The following ALDH3B1 variants were observed in gnomAD, a reference collection of about 807,000 sequenced individuals.
ALDH3B1 encodes the protein aldehyde dehydrogenase family 3 member B1.
ALDH3B1 carries 37 observed loss-of-function variants against 46.2 expected under a neutral mutation model. The observed-to-expected ratio is 0.80, with a 90% CI of 0.62 to 1.05. The LOEUF (loss-of-function observed/expected upper bound fraction) is 1.05. Ranked by LOEUF, ALDH3B1 falls within the 50% of genes least tolerant of loss-of-function variation. ALDH3B1 has a pLI of 0.00. For synonymous variants in ALDH3B1, 283 were observed against 281.0 expected, an observed-to-expected ratio of 1.01 and a Z score of -0.07; for missense variants, 603 against 665.5, an observed-to-expected ratio of 0.91 and a Z score of 1.03.
chr11:68,019,748 G>A lies in ALDH3B1; in HGVS notation c.514G>A (p.Glu172Lys), dbSNP rs773258034. ...TGCTGTGGTGCTGGGCGGGCCCCAG[G>A]AGACGGGGCAGCTGCTAGAGCACAG... The part of the protein sequence containing the change: ...CFAVVLGGPQ[E>K]TGQLLEHRFD... The change falls in exon 6 of 10, where the codon GAG (glutamate) becomes AAG (lysine). Residue 172 changes from glutamate to lysine, a missense_variant. Transcript: ENST00000342456. 7.9e-5 allele frequency: 127 copies of A among 1,614,178 alleles called. No individual in the cohort carries two copies. Among genetic ancestry groups the A allele is most frequent in the Non-Finnish European group, 1.0e-4 (120 of 1,179,998 alleles).
chr11:68,018,412 GAATGAATGAA>G, intron 2 of ALDH3B1, 105 bp from the exon 3 acceptor site: 1 of 812,760 alleles, frequency 1.2e-6, no homozygotes, highest in African/African-American at 1.7e-5. Context: ...GTGAGTGAAC[GAATGAATGAA>G]AATGAATGAA....
At position 68,018,868 on chromosome 11, in the gene ALDH3B1, G is replaced by A. The variant is rs762462181; in HGVS notation, c.369G>A (p.Val123=). Residue 123 remains valine (V), a synonymous_variant, in exon 4 of 10, where the codon GTG becomes GTA. Transcript: ENST00000342456. ...PWNYPLNLTL[V]PLVGALAAGN... is the part of the protein sequence containing the mutation. Reference sequence around the variant, plus strand: ...ACTATCCGCTGAACCTGACGCTGGTGCCCCTCGTGGGAGCCCTCGCTGCAG... The same window carrying A: ...ACTATCCGCTGAACCTGACGCTGGTACCCCTCGTGGGAGCCCTCGCTGCAG... 19 of 1,560,222 alleles carry A rather than the reference G, an allele frequency of 1.2e-5. No individual in the cohort carries two copies. The highest frequency in any genetic ancestry group is 3.3e-4 in the Middle Eastern group (2 of 6,024).
Position 68,028,963 on chromosome 11 carries a change from C to CA in ALDH3B1, c.*1025dup, listed in dbSNP as rs1854670762. 6.6e-6 allele frequency: 1 copy of CA among 152,292 alleles called. No homozygotes were observed. The highest frequency in any genetic ancestry group is 2.4e-5 in the African/African-American group (1 of 41,444). The allele number at this position is 152,292 out of a possible 1,614,324, so 9.4% of individuals were successfully genotyped here. On this transcript the variant is annotated 3_prime_UTR_variant, in exon 10 of 10. Coordinates refer to ENST00000342456, the MANE Select transcript of ALDH3B1 (RefSeq NM_000694.4). The stretch of plus-strand genomic sequence containing the variant: ...GCTGCTCATCCTCCTGGGCCCCATC[C>CA]ACTCAGCCAAAGCAGAATGCAGGGT...
At chr11:68,011,885 C>T (rs1857239516) in intron 1 of ALDH3B1, among the ~76,000 whole-genome samples, 1 of 152,194 alleles carries the variant, frequency 6.6e-6, no homozygotes, top group African/African-American at 2.4e-5. Context: ...TTGAATTCTC[C>T]CGACAGTGGT....
chr11:68,018,886 C>G lies in ALDH3B1; in HGVS notation c.387C>G (p.Leu129=). 6.4e-7 allele frequency: 1 copy of G among 1,555,336 alleles called. No homozygotes were observed. The highest frequency in any genetic ancestry group is 1.2e-5 in the South Asian group (1 of 84,226). ...NLTLVPLVGA[L]AAGNCVVLKP... is the part of the protein sequence containing the mutation. ...CGCTGGTGCCCCTCGTGGGAGCCCT[C>G]GCTGCAGGTGAGAGCTGGGCCTGCC... Residue 129 remains leucine (L), a synonymous_variant, in exon 4 of 10, where the codon CTC becomes CTG. Transcript: ENST00000342456.
Position 68,028,069 on chromosome 11 carries a change from C to A in ALDH3B1, c.*130C>A. 1.6e-6 allele frequency: 2 copies of A among 1,214,812 alleles called. No homozygotes were observed. Among genetic ancestry groups the A allele is most frequent in the Non-Finnish European group, 1.2e-6 (1 of 830,470 alleles). 75.3% of individuals were successfully genotyped at this position (1,214,812 alleles called of 1,614,324 possible). On this transcript the variant is annotated 3_prime_UTR_variant, in exon 10 of 10. Transcript: ENST00000342456. The stretch of plus-strand genomic sequence containing the variant: ...GGCTCCAGGGCACCCCTCAAAGCAG[C>A]GCCTGCCTCCTCCCTCCTGGGTCTT...
At chr11:68,012,658 C>G (rs576155438) in intron 1 of ALDH3B1, among the ~76,000 whole-genome samples, 25 of 152,330 alleles carry the variant, frequency 1.6e-4, no homozygotes, top group Admixed American at 5.2e-4. Flanking sequence ...ATCCAAACAG[C>G]AAGAGACCTC....
intron 6 of ALDH3B1, among the ~76,000 whole-genome samples, chr11:68,021,135 G>A (rs1428333397): frequency 6.6e-6 from 1 of 152,220 alleles, no homozygotes; most frequent in Non-Finnish European, 1.5e-5. Context: ...CAAAGGAGAT[G>A]GGTGGGGAGG....
In ALDH3B1 at chr11:68,028,143, G is replaced by A; in HGVS notation, c.*204G>A. 1.3e-6 allele frequency: 1 copy of A among 787,720 alleles called. No homozygotes were observed. Among genetic ancestry groups the A allele is most frequent in the East Asian group, 2.5e-5 (1 of 40,684 alleles). The allele number at this position is 787,720 out of a possible 1,614,324, so 48.8% of individuals were successfully genotyped here. A position where few individuals can be genotyped will look rare whatever the true frequency, so the allele number is the denominator to read the frequency against. On this transcript the variant is annotated 3_prime_UTR_variant, in exon 10 of 10. Coordinates refer to ENST00000342456, the MANE Select transcript of ALDH3B1 (RefSeq NM_000694.4). Reference sequence around the variant, plus strand: ...CCCTCAGCCGCTCCCAACCATGAGAGCCGAGGTGGGAGGCATGGGAAACAG... The same window carrying A: ...CCCTCAGCCGCTCCCAACCATGAGAACCGAGGTGGGAGGCATGGGAAACAG...
In ALDH3B1 at chr11:68,018,882, C is replaced by T; in HGVS notation, c.383C>T (p.Ala128Val). Residue 128 changes from alanine (A) to valine (V), a missense_variant, in exon 4 of 10, where the codon GCC becomes GTC. Coordinates refer to ENST00000342456, the MANE Select transcript of ALDH3B1 (RefSeq NM_000694.4). ...CTGACGCTGGTGCCCCTCGTGGGAG[C>T]CCTCGCTGCAGGTGAGAGCTGGGCC... ...LNLTLVPLVG[A>V]LAAGNCVVLK... The T allele has an allele frequency of 6.4e-7, 1 of 1,556,382 alleles. No individual in the cohort carries two copies.
chr11:68,018,658 C>T (rs768701840), intron 3 of ALDH3B1, 21 bp downstream of exon 3: 105 of 1,557,226 alleles, frequency 6.7e-5, no homozygotes, highest in Non-Finnish European at 8.4e-5. Context: ...CGGGCTGAGG[C>T]GGGCAGGGGG....
intron 7 of ALDH3B1, 142 bp downstream of exon 7, chr11:68,022,013 G>A: frequency 1.4e-6 from 2 of 1,403,608 alleles, no homozygotes; most frequent in East Asian, 2.4e-5. Flanking sequence ...CAGCTCCAGT[G>A]CCATGATTCC....
At chr11:68,018,136 G>A (rs533984430) in intron 2 of ALDH3B1, 18 of 192,462 alleles carry the variant, frequency 9.4e-5, no homozygotes, top group Non-Finnish European at 1.6e-4. Context: ...TGCACTGACC[G>A]CTTTGTAAAA....
At chr11:68,025,741 C>A (rs1483940752) in intron 8 of ALDH3B1, among the ~76,000 whole-genome samples, 1 of 152,172 alleles carries the variant, frequency 6.6e-6, no homozygotes, top group Admixed American at 6.5e-5. Context: ...CCTGCCCCTA[C>A]CCCCAGCCCT....
chr11:68,023,770 G>A (rs565163832), intron 8 of ALDH3B1, among the ~76,000 whole-genome samples: 6 of 152,004 alleles, frequency 3.9e-5, no homozygotes, highest in South Asian at 4.2e-4. Context: ...GGCTGGGCGC[G>A]GTGGCTCACA....
Position 68,019,773 on chromosome 11 carries a change from G to C in ALDH3B1, c.539G>C (p.Arg180Thr). The C allele has an allele frequency of 6.2e-7, 1 of 1,614,160 alleles. No homozygotes were observed. Among genetic ancestry groups the C allele is most frequent in the Non-Finnish European group, 8.5e-7 (1 of 1,179,990 alleles). The change falls in exon 6 of 10, where the codon AGG (arginine) becomes ACG (threonine). Residue 180 changes from arginine (R) to threonine (T), a missense_variant. Arg to Thr is a moderately conservative substitution (Grantham distance 71, BLOSUM62 -1). Transcript: ENST00000342456. Reference sequence around the variant, plus strand: ...GAGACGGGGCAGCTGCTAGAGCACAGGTTCGACTACATCTTCTTCACAGGT... The same window carrying C: ...GAGACGGGGCAGCTGCTAGAGCACACGTTCGACTACATCTTCTTCACAGGT... ...PQETGQLLEHRFDYIFFTGSP... is the reference protein window; with the variant it reads ...PQETGQLLEHTFDYIFFTGSP...
Position 68,019,019 on chromosome 11 carries a change from C to T in ALDH3B1, c.394+126C>T. On this transcript the variant is annotated intron_variant, in intron 4 of 9. Coordinates refer to ENST00000342456, the MANE Select transcript of ALDH3B1 (RefSeq NM_000694.4). ...AAAGAGGACTGTCTGGTCCACCGTC[C>T]CCGGGCTGTGTGGCCCTGGGCCCGT... 4 of 1,467,236 alleles carry T rather than the reference C, an allele frequency of 2.7e-6. No homozygotes were observed. In the South Asian group the frequency reaches 5.3e-5, roughly 19 times the overall value. 90.9% of individuals were successfully genotyped at this position (1,467,236 alleles called of 1,614,324 possible).
intron 1 of ALDH3B1, chr11:68,014,954 T>G: frequency 3.8e-6 from 1 of 260,292 alleles, no homozygotes; most frequent in East Asian, 7.1e-5. Context: ...GGAAGAAGCA[T>G]GGCGCTCTGC....
In ALDH3B1 at chr11:68,010,778, G is replaced by A. The variant is rs567705426; in HGVS notation, c.-2+386G>A. 2.9e-3 allele frequency among the ~76,000 whole-genome samples: 436 copies of A among 152,340 alleles called. 1 individual carries two copies. In the Middle Eastern group the frequency reaches 0.037, roughly 13 times the overall value. On this transcript the variant is annotated intron_variant, in intron 1 of 9. Coordinates refer to ENST00000342456, the MANE Select transcript of ALDH3B1 (RefSeq NM_000694.4). ...CCACAGGGGTCAAGTATCCCTTCCA[G>A]CAACAGCCGTTTCCTGGGCACCAGC...
Sources: gnomAD v4.1 joint callset for allele counts (sites outside exome capture counted in the v4.1 genomes callset) on GRCh38, gnomAD v4.1.1 for gene constraint, MANE v1.5 for transcripts, NCBI Gene and HGNC (gene_info 2026-07-23, HGNC 2026-07-21) for gene names.